Variants in COL6A5 observed in about 807,000 individuals in gnomAD.
COL6A5 encodes collagen alpha-5(VI) chain.
COL6A5 carries 48 observed loss-of-function variants against 65.6 expected under a neutral mutation model. The observed-to-expected ratio is 0.73, with a 90% CI of 0.58 to 0.93. COL6A5 has a LOEUF of 0.93. Among genes scored for constraint, COL6A5 ranks in the 40% least tolerant of loss-of-function variants. The pLI is 0.00. For missense variants in COL6A5, 914 were observed against 928.3 expected, an observed-to-expected ratio of 0.98 and a Z score of 0.20; for synonymous variants, 291 against 322.8, an observed-to-expected ratio of 0.90 and a Z score of 1.05.
At chr3:130,462,743 A>G (rs9682426) in intron 5 of COL6A5, among the ~76,000 whole-genome samples, 107,149 of 151,994 alleles carry the variant, frequency 0.7, 38,451 homozygotes, top group Non-Finnish European at 0.77. Context: ...TTTAGTTCGT[A>G]TATAGTTGCT....
chr3:130,448,674 A>G (rs1709359674), intron 4 of COL6A5, among the ~76,000 whole-genome samples: 1 of 152,114 alleles, frequency 6.6e-6, no homozygotes, highest in South Asian at 2.1e-4. Flanking sequence ...AATATCATCA[A>G]TATAATGAAG....
Position 130,431,474 on chromosome 3 carries a change from C to T in COL6A5, c.14C>T (p.Pro5Leu), listed in dbSNP as rs138979818. Residue 5 changes from proline (P) to leucine (L), a missense_variant, in exon 1 of 8, where the codon CCA becomes CTA. Coordinates refer to ENST00000512836, the Ensembl canonical transcript of COL6A5. ...CTTTTCTTTTTTCTAGAAAAATGTC[C>T]AGCATATCCAACAGAGCTAGTATTT... The T allele has an allele frequency of 2.8e-5, 44 of 1,548,724 alleles. No homozygotes were observed. The African/African-American group carries it at 4.7e-4, about 16-fold the overall frequency.
chr3:130,378,866 C>A (rs538480932), intron 3 of COL6A5, among the ~76,000 whole-genome samples: 12 of 152,280 alleles, frequency 7.9e-5, no homozygotes, highest in African/African-American at 2.6e-4. Flanking sequence ...GTTTTATTTC[C>A]TTGCTAGCAC....
chr3:130,484,084 A>T, exon 8 of COL6A5: 1 of 1,599,686 alleles, frequency 6.3e-7, no homozygotes, highest in South Asian at 1.1e-5. Flanking sequence ...AGCTCCACTG[A>T]CATGTATAAT....
chr3:130,483,326 A>G (rs1176821640), intron 7 of COL6A5, among the ~76,000 whole-genome samples: 18 of 152,220 alleles, frequency 1.2e-4, no homozygotes, highest in Admixed American at 9.2e-4. Context: ...ACTAATGGGC[A>G]AAATAACCAG....
chr3:130,440,168 A>G, exon 3 of COL6A5: 1 of 1,608,618 alleles, frequency 6.2e-7, no homozygotes, highest in Non-Finnish European at 8.5e-7. Flanking sequence ...GTTTTCAGAT[A>G]AATGTTTTCC....
chr3:130,365,379 G>A (rs1331974668), intron 1 of COL6A5, among the ~76,000 whole-genome samples: 1 of 152,176 alleles, frequency 6.6e-6, no homozygotes, highest in African/African-American at 2.4e-5. Flanking sequence ...CCGGGTTCAC[G>A]CTATTCTCCT....
chr3:130,448,999 C>A (rs910490980), intron 4 of COL6A5, among the ~76,000 whole-genome samples: 1 of 152,298 alleles, frequency 6.6e-6, no homozygotes, highest in Non-Finnish European at 1.5e-5. Context: ...GCCCTTAAAT[C>A]GGTTACCATC....
chr3:130,416,277 A>G (rs1382210958), intron 23 of COL6A5, among the ~76,000 whole-genome samples: 1 of 152,126 alleles, frequency 6.6e-6, no homozygotes, highest in African/African-American at 2.4e-5. Context: ...CCATATTTCT[A>G]TATTCCTAGC....
chr3:130,484,051 GT>G (rs1320700182), exon 8 of COL6A5: 2 of 1,607,988 alleles, frequency 1.2e-6, no homozygotes, highest in East Asian at 4.5e-5. Flanking sequence ...AAGATACAAG[GT>G]CATCATAGGA....
At position 130,451,668 on chromosome 3, in the gene COL6A5, A is replaced by G. The variant is rs75671953; in HGVS notation, c.1333-3787A>G. On this transcript the variant is annotated intron_variant, in intron 4 of 7. Coordinates refer to ENST00000512836, the Ensembl canonical transcript of COL6A5. ...CAGGAGTTACATGTGCCGGCTTTTC[A>G]TGAAAAGAAATAAGATCATCGGGGG... is the stretch of plus-strand genomic sequence containing the variant. 2.5e-3 allele frequency among the ~76,000 whole-genome samples: 387 copies of G among 152,174 alleles called. 3 individuals carry two copies. The highest frequency in any genetic ancestry group is 8.7e-3 in the African/African-American group (363 of 41,520).
At chr3:130,390,438 A>T (rs1936354388) in intron 6 of COL6A5, among the ~76,000 whole-genome samples, 1 of 152,204 alleles carries the variant, frequency 6.6e-6, no homozygotes. Flanking sequence ...AAGTGGAGAA[A>T]GCCAATCTTT....
chr3:130,387,912 A>T (rs375873859), intron 5 of COL6A5, among the ~76,000 whole-genome samples: 1 of 151,886 alleles, frequency 6.6e-6, no homozygotes, highest in Non-Finnish European at 1.5e-5. Flanking sequence ...AGAACAATGA[A>T]CATACATATG....
exon 7 of COL6A5, chr3:130,391,671 A>G: frequency 6.4e-7 from 1 of 1,551,686 alleles, no homozygotes. Context: ...AATAAAAACA[A>G]TACTATCTAT....
intron 7 of COL6A5, among the ~76,000 whole-genome samples, chr3:130,478,615 T>G (rs1302365637): frequency 6.6e-6 from 1 of 152,074 alleles, no homozygotes; most frequent in Non-Finnish European, 1.5e-5. Context: ...ATGGCACATC[T>G]CTCAGCCATT....
exon 8 of COL6A5, chr3:130,395,363 A>G: frequency 1.3e-6 from 2 of 1,547,704 alleles, no homozygotes; most frequent in South Asian, 2.4e-5. Flanking sequence ...AATAACAGGC[A>G]ATTCTGAAAA....
At chr3:130,390,410 A>G (rs1936353191) in intron 6 of COL6A5, among the ~76,000 whole-genome samples, 1 of 152,190 alleles carries the variant, frequency 6.6e-6, no homozygotes, top group African/African-American at 2.4e-5. Flanking sequence ...AGAGTTGACA[A>G]TTAGCTAGGC....
At chr3:130,478,976 G>A (rs2107625232) in intron 7 of COL6A5, among the ~76,000 whole-genome samples, 1 of 152,112 alleles carries the variant, frequency 6.6e-6, no homozygotes, top group South Asian at 2.1e-4. Context: ...TATATCTCCT[G>A]ACTGGGATTT....
At chr3:130,432,386 C>T (rs1937857085) in intron 1 of COL6A5, among the ~76,000 whole-genome samples, 1 of 151,978 alleles carries the variant, frequency 6.6e-6, no homozygotes, top group Non-Finnish European at 1.5e-5. Flanking sequence ...AACTTCATCT[C>T]TACTAAAAAT....
Sources: gnomAD v4.1 joint callset for allele counts (sites outside exome capture counted in the v4.1 genomes callset) on GRCh38, gnomAD v4.1.1 for gene constraint, MANE v1.5 for transcripts, NCBI Gene and HGNC (gene_info 2026-07-23, HGNC 2026-07-21) for gene names.